The following NUP133 variants were observed in gnomAD, a reference collection of about 807,000 sequenced individuals.
The protein encoded by NUP133 is nucleoporin 133.
NUP133 carries 66 observed loss-of-function variants against 146.2 expected under a neutral mutation model. The observed-to-expected ratio is 0.45, with a 90% CI of 0.37 to 0.55. The LOEUF (loss-of-function observed/expected upper bound fraction) is 0.55, where lower values mean the gene tolerates loss of function less well. Among genes scored for constraint, NUP133 ranks in the 20% least tolerant of loss-of-function variants. NUP133 has a pLI of 0.00. For missense variants in NUP133, 1,277 were observed against 1,374.8 expected (o/e 0.93, Z 1.12); for synonymous variants, 521 against 498.8 (o/e 1.04, Z -0.59).
At position 229,477,637 on chromosome 1, in the gene NUP133, G is replaced by A; in HGVS notation, c.1716C>T (p.Tyr572=). Residue 572 remains tyrosine (Y), a synonymous_variant, in exon 13 of 26, where the codon TAC becomes TAT. Transcript: ENST00000261396. ...TQISVDLMDD[Y]PASDPRWAES... ...CAGCCCACCGTGGGTCAGATGCTGG[G>A]TAGTCATCCATCAGGTCTACACTGA... 6.2e-7 allele frequency: 1 copy of A among 1,613,804 alleles called. No individual in the cohort carries two copies. Among genetic ancestry groups the A allele is most frequent in the Non-Finnish European group, 8.5e-7 (1 of 1,179,822 alleles).
intron 12 of NUP133, among the ~76,000 whole-genome samples, chr1:229,483,278 T>G (rs1661261755): frequency 6.6e-6 from 1 of 152,014 alleles, no homozygotes; most frequent in Non-Finnish European, 1.5e-5. Flanking sequence ...TTTTTAAAAT[T>G]TTTCTTTGTA....
At chr1:229,478,629 CAG>C (rs1661135158) in intron 12 of NUP133, among the ~76,000 whole-genome samples, 1 of 152,146 alleles carries the variant, frequency 6.6e-6, no homozygotes, top group South Asian at 2.1e-4. Flanking sequence ...TAAAAAGCAG[CAG>C]ACTCTTCTAA....
chr1:229,499,005 C>T (rs999411340), intron 5 of NUP133, among the ~76,000 whole-genome samples: 2 of 152,054 alleles, frequency 1.3e-5, no homozygotes, highest in African/African-American at 4.8e-5. Context: ...CTCAAGAGAT[C>T]CTCTTGCCTC....
Position 229,490,079 on chromosome 1 carries a change from G to C in NUP133, c.1070C>G (p.Ala357Gly), listed in dbSNP as rs201025551. Residue 357 changes from alanine (A) to glycine (G), a missense_variant, in exon 9 of 26, where the codon GCA becomes GGA. Ala to Gly is a moderately conservative substitution (Grantham distance 60, BLOSUM62 0). Coordinates refer to ENST00000261396, the MANE Select transcript of NUP133 (RefSeq NM_018230.3). ...QNCDGLVILA[A>G]AWHSADNPCL... Reference sequence around the variant, plus strand: ...TGGATTGTCTGCTGAGTGCCATGCTGCTGCCAAAATCACCAGCCCATCACT... The same window carrying C: ...TGGATTGTCTGCTGAGTGCCATGCTCCTGCCAAAATCACCAGCCCATCACT... The C allele has an allele frequency of 6.3e-6, 10 of 1,592,320 alleles. No individual in the cohort carries two copies. Among genetic ancestry groups the C allele is most frequent in the South Asian group, 2.3e-5 (2 of 88,218 alleles).
rs144796339 is a variant in NUP133 at position 229,451,754 on chromosome 1, T to C, written c.3099+771A>G. 9.8e-5 allele frequency among the ~76,000 whole-genome samples: 15 copies of C among 152,352 alleles called. 1 individual carries two copies. In the East Asian group the frequency reaches 2.9e-3, roughly 29 times the overall value. On this transcript the variant is annotated intron_variant, in intron 22 of 25. Coordinates refer to ENST00000261396, the MANE Select transcript of NUP133 (RefSeq NM_018230.3). ...GCACTCAAAAGATAATAGTTTTATTTTGTTGTTCTTGAACATCCTTTTTAC... is the reference window on the plus strand; with the variant it reads ...GCACTCAAAAGATAATAGTTTTATTCTGTTGTTCTTGAACATCCTTTTTAC...
intron 21 of NUP133, among the ~76,000 whole-genome samples, chr1:229,454,687 G>C (rs1660523561): frequency 6.6e-6 from 1 of 152,184 alleles, no homozygotes; most frequent in South Asian, 2.1e-4. Flanking sequence ...AAGCTAAGAA[G>C]TGATCAAATG....
chr1:229,464,747 C>T lies in NUP133; in HGVS notation c.2428G>A (p.Asp810Asn), dbSNP rs758364157. ...IVTEQLVALI[D>N]CFLDGYVSQL... Reference sequence around the variant, plus strand: ...GAAACATAACCATCCAGGAAGCAATCGATCAGGGCTACCAGCTGCTCGGTC... The same window carrying T: ...GAAACATAACCATCCAGGAAGCAATTGATCAGGGCTACCAGCTGCTCGGTC... The change falls in exon 18 of 26, where the codon GAT becomes AAT. Residue 810 changes from aspartate (D) to asparagine (N), a missense_variant. By Grantham distance (23) the Asp-to-Asn change is conservative (BLOSUM62 1). Coordinates refer to ENST00000261396, the MANE Select transcript of NUP133 (RefSeq NM_018230.3). 13 of 1,614,142 alleles carry T rather than the reference C, an allele frequency of 8.1e-6. No individual in the cohort carries two copies. Among genetic ancestry groups the T allele is most frequent in the East Asian group, 2.2e-5 (1 of 44,892 alleles).
chr1:229,474,800 T>G (rs1413654921), intron 14 of NUP133, among the ~76,000 whole-genome samples: 1 of 152,022 alleles, frequency 6.6e-6, no homozygotes, highest in Non-Finnish European at 1.5e-5. Context: ...ACTACTGAGT[T>G]TGAAAAACAA....
chr1:229,507,554 G>A (rs1661976142), intron 1 of NUP133, among the ~76,000 whole-genome samples: 1 of 152,112 alleles, frequency 6.6e-6, no homozygotes, highest in Non-Finnish European at 1.5e-5. Context: ...AATTTACCTA[G>A]AAAGTTAAAT....
intron 21 of NUP133, among the ~76,000 whole-genome samples, chr1:229,454,434 G>C (rs1182191334): frequency 6.6e-6 from 1 of 152,164 alleles, no homozygotes; most frequent in African/African-American, 2.4e-5. Flanking sequence ...TCTGTACCTA[G>C]AAAATCAGAC....
chr1:229,483,402 T>C (rs373227875), intron 12 of NUP133, among the ~76,000 whole-genome samples: 24 of 152,044 alleles, frequency 1.6e-4, no homozygotes, highest in African/African-American at 5.8e-4. Context: ...CACCAGGCCA[T>C]AATTCTTTAA....
chr1:229,477,645 C>G lies in NUP133; in HGVS notation c.1708G>C (p.Asp570His). The stretch of plus-strand genomic sequence containing the variant: ...CGTGGGTCAGATGCTGGGTAGTCAT[C>G]CATCAGGTCTACACTGATTTGGGTA... ...AVTQISVDLM[D>H]DYPASDPRWA... The change falls in exon 13 of 26, where the codon GAT becomes CAT. Residue 570 changes from aspartate to histidine, a missense_variant. This residue lies in a region of NUP133 where 952 missense variants were observed against 1,047.0 expected (regional missense o/e 0.91). Coordinates refer to ENST00000261396, the MANE Select transcript of NUP133 (RefSeq NM_018230.3). 6.2e-7 allele frequency: 1 copy of G among 1,613,868 alleles called. No individual in the cohort carries two copies. The highest frequency in any genetic ancestry group is 2.2e-5 in the East Asian group (1 of 44,880).
At chr1:229,506,846 A>G (rs1440577648) in intron 1 of NUP133, among the ~76,000 whole-genome samples, 1 of 149,844 alleles carries the variant, frequency 6.7e-6, no homozygotes, top group Non-Finnish European at 1.5e-5. Flanking sequence ...AAAAACTATC[A>G]GATCTGTACA....
At chr1:229,468,928 T>C (rs1249519661) in intron 15 of NUP133, among the ~76,000 whole-genome samples, 4 of 152,122 alleles carry the variant, frequency 2.6e-5, no homozygotes, top group African/African-American at 9.7e-5. Flanking sequence ...CTAACCCAAA[T>C]GCATAAAAGC....
At chr1:229,488,962 A>G (rs925997573) in intron 9 of NUP133, among the ~76,000 whole-genome samples, 2 of 152,244 alleles carry the variant, frequency 1.3e-5, no homozygotes, top group African/African-American at 4.8e-5. Context: ...AAACATGTTT[A>G]ATTGCTATTA....
intron 24 of NUP133, among the ~76,000 whole-genome samples, 171 bp from the exon 25 acceptor site, chr1:229,445,173 T>C (rs1488297904): frequency 6.6e-6 from 1 of 152,174 alleles, no homozygotes; most frequent in African/African-American, 2.4e-5. Flanking sequence ...CTGAATACCC[T>C]GACAGTTTCT....
intron 2 of NUP133, among the ~76,000 whole-genome samples, chr1:229,503,811 A>C (rs1661866570): frequency 1.3e-5 from 2 of 152,224 alleles, no homozygotes; most frequent in South Asian, 4.1e-4. Context: ...GAGTTCTTCA[A>C]GTTGACACAC....
At position 229,442,059 on chromosome 1, in the gene NUP133, G is replaced by A; in HGVS notation, c.3335-19C>T. 1 of 1,541,068 alleles carries A rather than the reference G, an allele frequency of 6.5e-7. No individual in the cohort carries two copies. The highest frequency in any genetic ancestry group is 8.6e-7 in the Non-Finnish European group (1 of 1,156,092). On this transcript the variant is annotated intron_variant, in intron 25 of 25. Coordinates refer to ENST00000261396, the MANE Select transcript of NUP133 (RefSeq NM_018230.3). ...TGAATGCCTATAAACACAAACACAA[G>A]AAGTCATTTTTCAATTATTATAAAA...
chr1:229,456,152 T>C (rs1430595658), intron 21 of NUP133, among the ~76,000 whole-genome samples: 1 of 152,210 alleles, frequency 6.6e-6, no homozygotes, highest in Non-Finnish European at 1.5e-5. Flanking sequence ...CACGTGATGG[T>C]AGTACATTGC....
Sources: allele counts gnomAD v4.1 joint callset (sites outside exome capture counted in the v4.1 genomes callset), GRCh38; gene constraint gnomAD v4.1.1; regional missense constraint gnomAD v4.1.1; transcripts MANE v1.5; gene names NCBI Gene and HGNC (gene_info 2026-07-23, HGNC 2026-07-21).